Variants in ABCD3 observed in about 807,000 individuals in gnomAD.
The protein encoded by ABCD3 is ATP binding cassette subfamily D member 3, also known as ATP-binding cassette sub-family D member 3.
In ABCD3, 41 loss-of-function variants were observed where a neutral mutation model predicts 105.5. That is an observed-to-expected ratio of 0.39 (90% CI 0.30 to 0.50). ABCD3 has a LOEUF of 0.50. Ranked by LOEUF, ABCD3 falls within the 20% of genes least tolerant of loss-of-function variation. The pLI is 0.84. For missense variants in ABCD3, 622 were observed against 806.3 expected, an observed-to-expected ratio of 0.77 and a Z score of 2.77; for synonymous variants, 258 against 269.0, an observed-to-expected ratio of 0.96 and a Z score of 0.40.
intron 1 of ABCD3, among the ~76,000 whole-genome samples, chr1:94,447,233 C>T (rs1010342644): frequency 3.9e-5 from 6 of 152,200 alleles, no homozygotes; most frequent in Non-Finnish European, 8.8e-5. Flanking sequence ...GGACACATAG[C>T]TCCAACATTT....
At chr1:94,431,545 A>G (rs1659683768) in intron 1 of ABCD3, among the ~76,000 whole-genome samples, 1 of 152,150 alleles carries the variant, frequency 6.6e-6, no homozygotes. Context: ...ATTCCCTGAT[A>G]ATATTTTATT....
chr1:94,390,738 T>C, the ABCD3 span, among the ~76,000 whole-genome samples: 1 of 152,224 alleles, frequency 6.6e-6, no homozygotes. Flanking sequence ...GCTCTTACTC[T>C]GTAGGCTGGA....
intron 1 of ABCD3, among the ~76,000 whole-genome samples, chr1:94,457,382 T>C (rs913988416): frequency 2.0e-5 from 3 of 152,182 alleles, no homozygotes; most frequent in Non-Finnish European, 4.4e-5. Flanking sequence ...TTTTTAGTCT[T>C]GTTTGGTGTC....
rs150494996 is a variant in ABCD3 at position 94,445,592 on chromosome 1, C to T, written c.111-13015C>T. ...GGAGGAAGAGGTTCATCCCTACCCT[C>T]CTGCACCCCCTCCTTATTTTGAAGA... On this transcript the variant is annotated intron_variant, in intron 1 of 22. Coordinates refer to ENST00000370214, the MANE Select transcript of ABCD3 (RefSeq NM_002858.4). Among the ~76,000 whole-genome samples, 21 of 152,302 alleles carry T rather than the reference C, an allele frequency of 1.4e-4. 1 individual carries two copies. In the East Asian group the frequency reaches 3.7e-3, roughly 27 times the overall value.
At chr1:94,443,111 A>C (rs1254738564) in intron 1 of ABCD3, among the ~76,000 whole-genome samples, 1 of 152,096 alleles carries the variant, frequency 6.6e-6, no homozygotes, top group Admixed American at 6.6e-5. Context: ...TTTTCTCCAC[A>C]TCCTTGCCAA....
chr1:94,480,226 C>A, intron 8 of ABCD3: 2 of 542,034 alleles, frequency 3.7e-6, no homozygotes, highest in Admixed American at 6.5e-5. Context: ...TTTAGGTGAG[C>A]AAAATGTAGG....
At chr1:94,417,511 G>C (rs1294296762), upstream of ABCD3, among the ~76,000 whole-genome samples, 1 of 152,218 alleles carries the variant, frequency 6.6e-6, no homozygotes, top group Admixed American at 6.5e-5. Context: ...GGTCAGACAG[G>C]AGAAGAATGT....
chr1:94,463,384 C>G (rs1647971281), intron 2 of ABCD3, among the ~76,000 whole-genome samples: 1 of 152,198 alleles, frequency 6.6e-6, no homozygotes. Context: ...GTGTCTGACA[C>G]ATAGTTGGTA....
At chr1:94,406,340 GTT>G in the ABCD3 span, 796 of 142,222 alleles carry the variant, frequency 5.6e-3, no homozygotes, top group Middle Eastern at 0.018. Flanking sequence ...ATTTTGTTTT[GTT>G]TTTTTTTTTT....
the ABCD3 span, among the ~76,000 whole-genome samples, chr1:94,407,930 C>T: frequency 6.6e-6 from 1 of 152,244 alleles, no homozygotes; most frequent in African/African-American, 2.4e-5. Context: ...TATTGGAACA[C>T]AGCAATGCCG....
the ABCD3 span, among the ~76,000 whole-genome samples, chr1:94,387,601 A>G: frequency 6.6e-6 from 1 of 152,102 alleles, no homozygotes; most frequent in Admixed American, 6.6e-5. Context: ...GCAAAACCAA[A>G]CCCATTGTGC....
chr1:94,448,164 C>A (rs1198163621), intron 1 of ABCD3, among the ~76,000 whole-genome samples: 73 of 152,310 alleles, frequency 4.8e-4, no homozygotes, highest in Admixed American at 6.5e-5. Context: ...AATTGACGGA[C>A]TCTAACTCCT....
chr1:94,424,353 C>G (rs1384870692), intron 1 of ABCD3, among the ~76,000 whole-genome samples: 1 of 152,142 alleles, frequency 6.6e-6, no homozygotes, highest in African/African-American at 2.4e-5. Context: ...ATTGCTTACT[C>G]TCCCCACTCT....
At position 94,480,578 on chromosome 1, in the gene ABCD3, T is replaced by C; in HGVS notation, c.799T>C (p.Tyr267His). The C allele has an allele frequency of 6.2e-7, 1 of 1,613,802 alleles. No homozygotes were observed. The highest frequency in any genetic ancestry group is 8.5e-7 in the Non-Finnish European group (1 of 1,179,780). ...GCAAAAGTATGAAGGAGAATATAGA[T>C]ATGTTAATTCTCGGCTCATCACAAA... is the stretch of plus-strand genomic sequence containing the variant. The part of the protein sequence containing the change: ...TEQKYEGEYR[Y>H]VNSRLITNSE... The change falls in exon 9 of 23, where the codon TAT (tyrosine) becomes CAT (histidine). Residue 267 changes from tyrosine to histidine, a missense_variant. By Grantham distance (83) the Tyr-to-His change is moderately conservative (BLOSUM62 2). Around this residue, in one of 4 missense-constraint regions of ABCD3, gnomAD observed 245 missense variants for 356.4 expected, o/e 0.69. Transcript: ENST00000370214.
At chr1:94,481,055 T>C (rs1570800496) in intron 9 of ABCD3, among the ~76,000 whole-genome samples, 1 of 152,220 alleles carries the variant, frequency 6.6e-6, no homozygotes, top group African/African-American at 2.4e-5. Context: ...GTGTGGACTT[T>C]GGAGCCAGCC....
At chr1:94,446,838 A>G (rs1192374824) in intron 1 of ABCD3, among the ~76,000 whole-genome samples, 1 of 152,210 alleles carries the variant, frequency 6.6e-6, no homozygotes, top group East Asian at 1.9e-4. Context: ...GAAGGACCTG[A>G]TGGACAACCT....
At chr1:94,484,624 C>G (rs560419273) in intron 10 of ABCD3, among the ~76,000 whole-genome samples, 1 of 151,864 alleles carries the variant, frequency 6.6e-6, no homozygotes, top group South Asian at 2.1e-4. Context: ...CACCACACAC[C>G]GGGGCCTGTT....
intron 8 of ABCD3, among the ~76,000 whole-genome samples, chr1:94,479,710 A>G (rs377693667): frequency 3.9e-5 from 6 of 152,266 alleles, no homozygotes; most frequent in African/African-American, 1.4e-4. Context: ...CATAAGAACA[A>G]CCTCACTGAA....
intron 20 of ABCD3, 54 bp downstream of exon 20, chr1:94,499,668 A>G: frequency 6.2e-7 from 1 of 1,604,576 alleles, no homozygotes. Context: ...CAGCATTTTG[A>G]TTAATCAGGA....
Sources: gnomAD v4.1 joint callset for allele counts (sites outside exome capture counted in the v4.1 genomes callset) on GRCh38, gnomAD v4.1.1 for gene constraint, gnomAD v4.1.1 regional missense constraint, MANE v1.5 for transcripts, NCBI Gene and HGNC (gene_info 2026-07-23, HGNC 2026-07-21) for gene names.